Variants in ADRA1A observed in about 807,000 individuals in gnomAD.
ADRA1A encodes alpha-1A adrenergic receptor.
ADRA1A carries 31 observed loss-of-function variants against 29.6 expected under a neutral mutation model. The observed-to-expected ratio is 1.05, with a 90% CI of 0.79 to 1.41. The LOEUF is 1.41. Ranked by LOEUF, ADRA1A falls within the 40% of genes most tolerant of loss-of-function variation. The probability of loss-of-function intolerance (pLI) is 0.00; values close to 1 mark genes in which losing one functional copy is unlikely to be tolerated. For missense variants in ADRA1A, 619 were observed against 601.1 expected (o/e 1.03, Z -0.31); for synonymous variants, 311 against 254.3 (o/e 1.22, Z -2.12).
At position 26,865,640 on chromosome 8, in the gene ADRA1A, G is replaced by T. The variant is rs910933202; in HGVS notation, c.-671C>A. 6.6e-5 allele frequency: 65 copies of T among 986,100 alleles called. No individual in the cohort carries two copies. Among genetic ancestry groups the T allele is most frequent in the Middle Eastern group, 1.0e-3 (2 of 1,940 alleles). 61.1% of individuals were successfully genotyped at this position (986,100 alleles called of 1,614,324 possible). On this transcript the variant is annotated 5_prime_UTR_variant, in exon 2 of 3. Transcript: ENST00000380573. The surrounding 1 kb of genome is among the most constrained non-coding windows in gnomAD (Gnocchi z 7.6). ...GAGACCCAGGAGGCTGCGGGGCATCGTTTGACCGCGTCCACCTGAAAGAGC... is the reference window on the plus strand; with the variant it reads ...GAGACCCAGGAGGCTGCGGGGCATCTTTTGACCGCGTCCACCTGAAAGAGC...
chr8:26,812,796 C>T (rs1378786070), intron 2 of ADRA1A, among the ~76,000 whole-genome samples: 5 of 151,864 alleles, frequency 3.3e-5, no homozygotes, highest in African/African-American at 7.3e-5. Flanking sequence ...TCCCGAGTAG[C>T]TGGGATTACA....
intron 2 of ADRA1A, among the ~76,000 whole-genome samples, chr8:26,758,178 A>C (rs1336807963): frequency 1.3e-5 from 2 of 152,186 alleles, no homozygotes; most frequent in Non-Finnish European, 2.9e-5. Flanking sequence ...AGTGCCTAGC[A>C]CCTTGAATGT....
Position 26,775,299 on chromosome 8 carries a change from A to G in ADRA1A, c.884-4633T>C, listed in dbSNP as rs78758186. On this transcript the variant is annotated intron_variant, in intron 2 of 2. Coordinates refer to ENST00000380573, the MANE Select transcript of ADRA1A (RefSeq NM_000680.4). This position sits in a 1 kb window ranked among gnomAD's most constrained non-coding sequence, Gnocchi z 4.1. ...GTTTTCTTTTCTGCGTGATGGCTGT[A>G]GCCTCATATTATCTCCCAACCCTGA... Among the ~76,000 whole-genome samples, 253 of 152,192 alleles carry G rather than the reference A, an allele frequency of 1.7e-3. 4 individuals carry two copies. In the East Asian group the frequency reaches 0.044, roughly 26 times the overall value.
At chr8:26,829,127 G>A (rs540308313) in intron 2 of ADRA1A, among the ~76,000 whole-genome samples, 33 of 152,032 alleles carry the variant, frequency 2.2e-4, no homozygotes, top group Non-Finnish European at 4.1e-4. Flanking sequence ...TAGGAGCAGT[G>A]GTGCCTTCCA....
chr8:26,778,721 A>G (rs1366997640), intron 2 of ADRA1A, among the ~76,000 whole-genome samples: 1 of 146,092 alleles, frequency 6.8e-6, no homozygotes. Flanking sequence ...GCATGTTCTC[A>G]CTCATAAGTG....
intron 2 of ADRA1A, among the ~76,000 whole-genome samples, chr8:26,851,801 T>G (rs193208021): frequency 6.6e-6 from 1 of 152,156 alleles, no homozygotes; most frequent in East Asian, 1.9e-4. Context: ...AGAAACCTGG[T>G]AGCAAAGGGA....
Position 26,866,946 on chromosome 8 carries a change from G to C in ADRA1A, c.-697C>G. 1.0e-6 allele frequency: 1 copy of C among 985,254 alleles called. No homozygotes were observed. Among genetic ancestry groups the C allele is most frequent in the Non-Finnish European group, 1.2e-6 (1 of 829,826 alleles). The allele number at this position is 985,254 out of a possible 1,614,324, so 61.0% of individuals were successfully genotyped here. A position where few individuals can be genotyped will look rare whatever the true frequency, so the allele number is the denominator to read the frequency against. On this transcript the variant is annotated 5_prime_UTR_variant, in exon 1 of 3. Coordinates refer to ENST00000380573, the MANE Select transcript of ADRA1A (RefSeq NM_000680.4). This position sits in a 1 kb window ranked among gnomAD's most constrained non-coding sequence, Gnocchi z 5.7. ...CCCCGGCGCACTCACCTGAAGCGCC[G>C]CTGCTGAGCCACCAGCTCGCGCGCG...
At chr8:26,795,709 A>G (rs1808145908) in intron 2 of ADRA1A, among the ~76,000 whole-genome samples, 1 of 152,172 alleles carries the variant, frequency 6.6e-6, no homozygotes, top group Non-Finnish European at 1.5e-5. Flanking sequence ...GTTTTACCAC[A>G]AACAAACAGA....
At chr8:26,766,148 C>T, downstream of ADRA1A, 4 of 1,602,412 alleles carry the variant, frequency 2.5e-6, no homozygotes, top group Non-Finnish European at 3.4e-6. Flanking sequence ...ATCCATTCCC[C>T]TCTGTCCAAA....
intron 2 of ADRA1A, among the ~76,000 whole-genome samples, chr8:26,857,836 A>T (rs1397099245): frequency 2.6e-5 from 4 of 152,162 alleles, no homozygotes; most frequent in African/African-American, 4.8e-5. Context: ...TGGGATTATC[A>T]TATATCATTG....
chr8:26,842,179 T>G (rs924749036), intron 2 of ADRA1A, among the ~76,000 whole-genome samples: 3 of 152,222 alleles, frequency 2.0e-5, no homozygotes, highest in African/African-American at 7.2e-5. Context: ...GCAGTGGACA[T>G]TAGCCATATG....
chr8:26,864,084 T>C lies in ADRA1A; in HGVS notation c.883+3A>G. Reference sequence around the variant, plus strand: ...GCTAAAGTGAGGGGTGTTCAAGACTTACCAATGGGCATGACTAAGAAAAAA... The same window carrying C: ...GCTAAAGTGAGGGGTGTTCAAGACTCACCAATGGGCATGACTAAGAAAAAA... On this transcript the variant is annotated splice_donor_region_variant and intron_variant, in intron 2 of 2. Transcript: ENST00000380573. This position sits in a 1 kb window ranked among gnomAD's most constrained non-coding sequence, Gnocchi z 8.1. 1 of 1,611,058 alleles carries C rather than the reference T, an allele frequency of 6.2e-7. No homozygotes were observed. The highest frequency in any genetic ancestry group is 1.1e-5 in the South Asian group (1 of 90,492).
In ADRA1A at chr8:26,848,663, G is replaced by A. The variant is rs575822835; in HGVS notation, c.883+15424C>T. Among the ~76,000 whole-genome samples, 11 of 152,192 alleles carry A rather than the reference G, an allele frequency of 7.2e-5. No individual in the cohort carries two copies. Among genetic ancestry groups the A allele is most frequent in the South Asian group, 2.1e-4 (1 of 4,820 alleles). ...GGCAGCCTGAGCTGACAAGTCTACCGCTTGACATCACACACATCCTCAGGT... is the reference window on the plus strand; with the variant it reads ...GGCAGCCTGAGCTGACAAGTCTACCACTTGACATCACACACATCCTCAGGT... On this transcript the variant is annotated intron_variant, in intron 2 of 2. Coordinates refer to ENST00000380573, the MANE Select transcript of ADRA1A (RefSeq NM_000680.4). This position sits in a 1 kb window ranked among gnomAD's most constrained non-coding sequence, Gnocchi z 4.3.
chr8:26,818,198 A>G (rs1809897535), intron 2 of ADRA1A, among the ~76,000 whole-genome samples: 1 of 152,216 alleles, frequency 6.6e-6, no homozygotes, highest in Admixed American at 6.5e-5. Context: ...ATAAACAGAC[A>G]TGAGAAAATT....
At chr8:26,816,623 C>A (rs779394107) in intron 2 of ADRA1A, among the ~76,000 whole-genome samples, 3 of 151,832 alleles carry the variant, frequency 2.0e-5, no homozygotes, top group Non-Finnish European at 4.4e-5. Context: ...ACTGAGGCAG[C>A]CTGCATGGCA....
chr8:26,846,993 C>T (rs1812251712), intron 2 of ADRA1A, among the ~76,000 whole-genome samples: 1 of 152,084 alleles, frequency 6.6e-6, no homozygotes, highest in South Asian at 2.1e-4. Context: ...ACTGCATATT[C>T]TCACTCATAG....
Position 26,791,239 on chromosome 8 carries a change from G to C in ADRA1A, c.884-20573C>G, listed in dbSNP as rs114369696. On this transcript the variant is annotated intron_variant, in intron 2 of 2. Transcript: ENST00000380573. Reference sequence around the variant, plus strand: ...CTACTTCTGCTAATTTGAATATTTTGGTTATTTCCAGTTTCCTCTATTATA... The same window carrying C: ...CTACTTCTGCTAATTTGAATATTTTCGTTATTTCCAGTTTCCTCTATTATA... 9.5e-4 allele frequency among the ~76,000 whole-genome samples: 144 copies of C among 151,944 alleles called. 1 individual carries two copies. Among genetic ancestry groups the C allele is most frequent in the African/African-American group, 3.3e-3 (137 of 41,448 alleles).
intron 2 of ADRA1A, among the ~76,000 whole-genome samples, chr8:26,811,779 T>G (rs1448844195): frequency 6.6e-6 from 1 of 152,210 alleles, no homozygotes; most frequent in African/African-American, 2.4e-5. Flanking sequence ...TCTCTGACAC[T>G]ACAGCTTAGT....
At chr8:26,777,822 T>A (rs1806662441) in intron 2 of ADRA1A, among the ~76,000 whole-genome samples, 2 of 152,164 alleles carry the variant, frequency 1.3e-5, no homozygotes, top group Non-Finnish European at 2.9e-5. Flanking sequence ...TGGGCACACA[T>A]CCCCGAAGGA....
Sources: allele counts gnomAD v4.1 joint callset (sites outside exome capture counted in the v4.1 genomes callset), GRCh38; gene constraint gnomAD v4.1.1; non-coding constraint Gnocchi (gnomAD v3.1); transcripts MANE v1.5; gene names NCBI Gene and HGNC (gene_info 2026-07-23, HGNC 2026-07-21).